The following MINDY4 variants were observed in gnomAD, a reference collection of about 807,000 sequenced individuals.
MINDY4 encodes the protein probable ubiquitin carboxyl-terminal hydrolase MINDY-4.
MINDY4 carries 68 observed loss-of-function variants against 87.0 expected under a neutral mutation model. The ratio of observed to expected loss-of-function variants is 0.78; its 90% CI spans 0.64 to 0.96. The LOEUF (loss-of-function observed/expected upper bound fraction) is 0.96, where lower values mean the gene tolerates loss of function less well. Among genes scored for constraint, MINDY4 ranks in the 40% least tolerant of loss-of-function variants. MINDY4 has a pLI of 0.00. For missense variants in MINDY4, 919 were observed against 928.2 expected (o/e 0.99, Z 0.13); for synonymous variants, 379 against 363.2 (o/e 1.04, Z -0.50).
At chr7:30,781,168 G>T (rs1344729738) in intron 2 of MINDY4, 1 of 152,246 alleles carries the variant, frequency 6.6e-6, no homozygotes, top group Non-Finnish European at 1.5e-5. Context: ...GCAAGACTGG[G>T]TGTCACTGGG....
chr7:30,882,752 G>A (rs983681462), intron 16 of MINDY4, among the ~76,000 whole-genome samples, 169 bp from the exon 17 acceptor site: 3 of 152,166 alleles, frequency 2.0e-5, no homozygotes, highest in Non-Finnish European at 4.4e-5. Flanking sequence ...GTGGGGACCA[G>A]TGAGTTGTGC....
intron 9 of MINDY4, among the ~76,000 whole-genome samples, 199 bp from the exon 10 acceptor site, chr7:30,850,254 AC>A (rs1789367588): frequency 6.6e-6 from 1 of 151,840 alleles, no homozygotes; most frequent in South Asian, 2.1e-4. Context: ...ACTTGAAGGC[AC>A]CTCCTTTGGC....
intron 6 of MINDY4, among the ~76,000 whole-genome samples, chr7:30,836,025 C>G (rs1479922573): frequency 1.3e-5 from 2 of 152,154 alleles, no homozygotes; most frequent in African/African-American, 4.8e-5. Flanking sequence ...CTGCCACTTT[C>G]CATTTGATTG....
chr7:30,812,694 T>C (rs1788040026), intron 5 of MINDY4, among the ~76,000 whole-genome samples: 1 of 152,198 alleles, frequency 6.6e-6, no homozygotes, highest in Admixed American at 6.5e-5. Context: ...TCCAGGTGCA[T>C]AGAAAACAGG....
intron 12 of MINDY4, among the ~76,000 whole-genome samples, chr7:30,856,476 C>T (rs527311513): frequency 2.3e-4 from 35 of 151,780 alleles, no homozygotes; most frequent in South Asian, 2.1e-3. Context: ...CTGGGGGCAA[C>T]GCTGGCATAA....
intron 9 of MINDY4, among the ~76,000 whole-genome samples, chr7:30,850,024 T>G (rs986968054): frequency 6.6e-6 from 1 of 152,232 alleles, no homozygotes; most frequent in African/African-American, 2.4e-5. Flanking sequence ...TACGTGCTAC[T>G]GACTCCAGAG....
At chr7:30,875,375 G>C (rs1790226694) in intron 14 of MINDY4, 120 bp from the exon 15 acceptor site, 3 of 1,122,414 alleles carry the variant, frequency 2.7e-6, no homozygotes, top group African/African-American at 1.5e-5. Flanking sequence ...CTGCTCTCAG[G>C]CTCTCTCCCT....
intron 6 of MINDY4, among the ~76,000 whole-genome samples, chr7:30,834,800 T>A (rs551121073): frequency 6.6e-6 from 1 of 152,312 alleles, no homozygotes; most frequent in South Asian, 2.1e-4. Context: ...TCTCTCAAGT[T>A]TAAAGTTCTG....
intron 5 of MINDY4, among the ~76,000 whole-genome samples, chr7:30,819,559 T>TTTTCTGCTTGATCCCAGCAAC (rs1562541604): frequency 6.6e-6 from 1 of 152,174 alleles, no homozygotes; most frequent in African/African-American, 2.4e-5. Context: ...GATCTGTTAG[T>TTTTCTGCTTGATCCCAGCAAC]TGCTGGGAGA....
intron 1 of MINDY4, among the ~76,000 whole-genome samples, chr7:30,777,935 C>G (rs1314397229): frequency 1.3e-5 from 2 of 152,186 alleles, no homozygotes; most frequent in African/African-American, 4.8e-5. Context: ...AGTGGCTTTG[C>G]TCATGACTTA....
chr7:30,810,961 T>C (rs1787978016), intron 5 of MINDY4, among the ~76,000 whole-genome samples: 1 of 152,184 alleles, frequency 6.6e-6, no homozygotes, highest in Non-Finnish European at 1.5e-5. Flanking sequence ...AATTATATAC[T>C]TGGTTTATCT....
intron 7 of MINDY4, 129 bp from the exon 8 acceptor site, chr7:30,839,071 A>G (rs1788955429): frequency 3.3e-6 from 2 of 597,066 alleles, no homozygotes; most frequent in South Asian, 2.4e-5. Context: ...AAGAGAAGAG[A>G]TGAACCATGC....
chr7:30,830,899 G>A (rs1434991450), intron 6 of MINDY4, among the ~76,000 whole-genome samples: 1 of 152,162 alleles, frequency 6.6e-6, no homozygotes, highest in Non-Finnish European at 1.5e-5. Context: ...TGGCCCTGTT[G>A]GGGAGGATGT....
intron 7 of MINDY4, 80 bp downstream of exon 7, chr7:30,836,844 C>T: frequency 9.8e-7 from 1 of 1,017,238 alleles, no homozygotes; most frequent in South Asian, 1.5e-5. Context: ...GTTTCTGCCC[C>T]AATCCAGCTC....
In MINDY4 at chr7:30,882,965, C is replaced by G. The variant is rs376378790; in HGVS notation, c.2197C>G (p.Pro733Ala). ...TGAGGACACAGACAACGACCTTGTC[C>G]CACCCCTCGAGCTCTGCATCAGAAC... ...ISEDTDNDLV[P>A]PLELCIRTKW... The change falls in exon 17 of 18, where the codon CCA becomes GCA. Residue 733 changes from proline to alanine, a missense_variant. By Grantham distance (27) the Pro-to-Ala change is conservative. Transcript: ENST00000265299. 3.1e-6 allele frequency: 5 copies of G among 1,613,924 alleles called. No individual in the cohort carries two copies. Among genetic ancestry groups the G allele is most frequent in the Non-Finnish European group, 4.2e-6 (5 of 1,179,972 alleles).
At chr7:30,849,548 G>A (rs1167193018) in intron 9 of MINDY4, among the ~76,000 whole-genome samples, 2 of 152,324 alleles carry the variant, frequency 1.3e-5, no homozygotes, top group Admixed American at 6.5e-5. Flanking sequence ...TGCCATGTTT[G>A]ATACAGCTGA....
chr7:30,790,011 T>C (rs1787273377), intron 4 of MINDY4, among the ~76,000 whole-genome samples: 1 of 152,234 alleles, frequency 6.6e-6, no homozygotes, highest in Non-Finnish European at 1.5e-5. Flanking sequence ...GAATGACCTC[T>C]GCCATCAGGA....
intron 5 of MINDY4, among the ~76,000 whole-genome samples, chr7:30,800,941 T>TG (rs1167485330): frequency 1.3e-5 from 2 of 152,230 alleles, no homozygotes; most frequent in Non-Finnish European, 2.9e-5. Context: ...TTAGTCTCGT[T>TG]GCCCTTGTTG....
At chr7:30,787,636 G>A (rs887977350) in intron 4 of MINDY4, among the ~76,000 whole-genome samples, 1 of 152,216 alleles carries the variant, frequency 6.6e-6, no homozygotes, top group African/African-American at 2.4e-5. Context: ...TGGCACCAGT[G>A]GATGGAGGTT....
Sources: allele counts gnomAD v4.1 joint callset (sites outside exome capture counted in the v4.1 genomes callset), GRCh38; gene constraint gnomAD v4.1.1; transcripts MANE v1.5; gene names NCBI Gene and HGNC (gene_info 2026-07-23, HGNC 2026-07-21).